The following PRKDC variants were observed in gnomAD, a reference collection of about 807,000 sequenced individuals.
PRKDC encodes the protein DNA-dependent protein kinase catalytic subunit.
A neutral mutation model predicts 486.9 loss-of-function variants in PRKDC; 82 were observed. The observed-to-expected ratio is 0.17, with a 90% CI of 0.14 to 0.20. The LOEUF is 0.20. Ranked by LOEUF, PRKDC falls within the 10% of genes least tolerant of loss-of-function variation. The pLI is 1.00. For synonymous variants in PRKDC, 1,895 were observed against 1,837.0 expected (o/e 1.03, Z -0.81); for missense variants, 4,504 against 5,038.2 (o/e 0.89, Z 3.21).
intron 70 of PRKDC, among the ~76,000 whole-genome samples, chr8:47,802,395 C>T (rs921790117): frequency 5.3e-5 from 8 of 151,848 alleles, no homozygotes; most frequent in South Asian, 4.1e-4. Context: ...GGCAACAGAG[C>T]GGGGGACCAA....
rs2090670188 is a variant in PRKDC at position 47,954,348 on chromosome 8, T to C, written c.498A>G (p.Ile166Met). ...FYGELALKKK[I>M]PDTVLEKVYE... ...GTAAATGCATCTCACCTGTATCTGG[T>C]ATTTTTTTTTTCAATGCAAGTTCTC... The change falls in exon 5 of 86, where the codon ATA becomes ATG. Residue 166 changes from isoleucine (I) to methionine (M), a missense_variant. Transcript: ENST00000314191. 9.5e-6 allele frequency: 12 copies of C among 1,259,558 alleles called. No individual in the cohort carries two copies. The highest frequency in any genetic ancestry group is 1.5e-5 in the African/African-American group (1 of 65,678). The allele number at this position is 1,259,558 out of a possible 1,614,324, so 78.0% of individuals were successfully genotyped here. A position where few individuals can be genotyped will look rare whatever the true frequency, so the allele number is the denominator to read the frequency against.
chr8:47,828,707 A>G (rs534388667), intron 61 of PRKDC, among the ~76,000 whole-genome samples: 1 of 152,314 alleles, frequency 6.6e-6, no homozygotes, highest in East Asian at 1.9e-4. Context: ...TAGCCCAGAT[A>G]AAGTGCAGCC....
chr8:47,898,331 A>T (rs1377046811), intron 29 of PRKDC, 139 bp downstream of exon 29: 1 of 637,314 alleles, frequency 1.6e-6, no homozygotes, highest in East Asian at 2.9e-5. Context: ...TGGAAAACGA[A>T]CTCTTCAGAC....
At chr8:47,807,759 A>C (rs2087247054) in intron 68 of PRKDC, among the ~76,000 whole-genome samples, 1 of 151,800 alleles carries the variant, frequency 6.6e-6, no homozygotes, top group Admixed American at 6.6e-5. Flanking sequence ...TCTGTCGCCC[A>C]GGATGGAGTG....
intron 7 of PRKDC, among the ~76,000 whole-genome samples, chr8:47,947,954 C>T (rs1017991427): frequency 9.2e-5 from 14 of 151,644 alleles, no homozygotes; most frequent in South Asian, 8.4e-4. Flanking sequence ...GTGGCATGCA[C>T]CTATAGTCCC....
chr8:47,930,056 T>A, intron 17 of PRKDC, 44 bp from the exon 18 acceptor site: 1 of 1,533,324 alleles, frequency 6.5e-7, no homozygotes, highest in Non-Finnish European at 8.9e-7. Context: ...TTTGTATCAT[T>A]CTGATCTTAA....
intron 68 of PRKDC, among the ~76,000 whole-genome samples, chr8:47,816,704 A>G (rs2087455153): frequency 6.6e-6 from 1 of 152,218 alleles, no homozygotes; most frequent in Non-Finnish European, 1.5e-5. Context: ...AAATACTAAC[A>G]TGGAAAAATG....
chr8:47,854,732 A>G (rs942092966), intron 50 of PRKDC, among the ~76,000 whole-genome samples: 14 of 152,126 alleles, frequency 9.2e-5, no homozygotes, highest in African/African-American at 3.4e-4. Flanking sequence ...CTTTACAGAA[A>G]TGCTTTCTTT....
At position 47,782,726 on chromosome 8, in the gene PRKDC, C is replaced by T. The variant is rs992276733; in HGVS notation, c.11176-128G>A. ...CTGAAGACAGTGCCAAAGAGCAGAG[C>T]GCCCAGGCCAGCAACGAATTTCTGC... On this transcript the variant is annotated intron_variant, in intron 78 of 85. Transcript: ENST00000314191. The surrounding 1 kb of genome is among the most constrained non-coding windows in gnomAD (Gnocchi z 4.9). 1.4e-5 allele frequency: 14 copies of T among 1,033,938 alleles called. No homozygotes were observed. Among genetic ancestry groups the T allele is most frequent in the Middle Eastern group, 2.8e-4 (1 of 3,596 alleles). The allele number at this position is 1,033,938 out of a possible 1,614,324, so 64.0% of individuals were successfully genotyped here.
At chr8:47,777,056 T>C (rs2086621337) in intron 84 of PRKDC, 73 bp from the exon 85 acceptor site, 1 of 1,508,270 alleles carries the variant, frequency 6.6e-7, no homozygotes, top group Admixed American at 2.2e-5. Flanking sequence ...AGATTAAATC[T>C]AGTAATGATC....
At chr8:47,863,230 C>T (rs1161317357) in intron 42 of PRKDC, among the ~76,000 whole-genome samples, 169 bp downstream of exon 42, 1 of 152,112 alleles carries the variant, frequency 6.6e-6, no homozygotes, top group Non-Finnish European at 1.5e-5. Flanking sequence ...ATCCAATACA[C>T]CCTAAATTAA....
At chr8:47,890,129 T>TATAATAATA (rs36103307) in intron 32 of PRKDC, 128 bp downstream of exon 32, 28 of 361,804 alleles carry the variant, frequency 7.7e-5, no homozygotes, top group African/African-American at 3.6e-4. Context: ...GAGGATGAAA[T>TATAATAATA]ATAATAATAA....
In PRKDC at chr8:47,821,760, C is replaced by A. The variant is rs1205390475; in HGVS notation, c.8955G>T (p.Glu2985Asp). ...AAAAATCCTTCTCGGCTTCTGTGGG[C>A]TCACCATCTACCCAGTCTTGTTTAT... ...ALNKQDWVDG[E>D]PTEAEKDFWE... Residue 2985 changes from glutamate to aspartate, a missense_variant, in exon 65 of 86, where the codon GAG becomes GAT. Glu to Asp is a conservative substitution (Grantham distance 45). This residue lies in a region of PRKDC where 1,592 missense variants were observed against 1,724.6 expected (regional missense o/e 0.92). Transcript: ENST00000314191. 1.9e-6 allele frequency: 3 copies of A among 1,590,246 alleles called. No individual in the cohort carries two copies. Among genetic ancestry groups the A allele is most frequent in the Non-Finnish European group, 1.7e-6 (2 of 1,170,150 alleles).
chr8:47,830,814 C>T (rs527668512), intron 60 of PRKDC, 78 bp from the exon 61 acceptor site: 5 of 1,575,674 alleles, frequency 3.2e-6, no homozygotes, highest in Non-Finnish European at 4.4e-6. Context: ...ATGAGGCTGC[C>T]AGGATCCCCT....
At chr8:47,939,210 C>T (rs904430500) in intron 11 of PRKDC, among the ~76,000 whole-genome samples, 1 of 152,176 alleles carries the variant, frequency 6.6e-6, no homozygotes, top group Non-Finnish European at 1.5e-5. Context: ...ATAAACAATA[C>T]TAATACAGTG....
chr8:47,803,559 C>G (rs1403663184), intron 69 of PRKDC, 79 bp from the exon 70 acceptor site: 4 of 1,332,238 alleles, frequency 3.0e-6, no homozygotes, highest in African/African-American at 1.4e-5. Flanking sequence ...CCTGCTTCCC[C>G]CTTTGCACGA....
chr8:47,800,338 C>G (rs1462695630), intron 71 of PRKDC, among the ~76,000 whole-genome samples: 1 of 152,014 alleles, frequency 6.6e-6, no homozygotes, highest in Non-Finnish European at 1.5e-5. Context: ...AATCATCATT[C>G]TCAGTAAACT....
intron 52 of PRKDC, among the ~76,000 whole-genome samples, chr8:47,851,936 CGAAACCTTGTTTCT>C (rs528336861): frequency 1.3e-3 from 204 of 152,092 alleles, no homozygotes; most frequent in African/African-American, 4.7e-3. Context: ...GGCAACATGG[CGAAACCTTGTTTCT>C]ACAAAAAATA....
chr8:47,870,374 G>A (rs938416738), intron 40 of PRKDC, among the ~76,000 whole-genome samples: 8 of 152,316 alleles, frequency 5.3e-5, no homozygotes, highest in African/African-American at 1.9e-4. Flanking sequence ...AGAAAAGTAA[G>A]TAAAGGAAAC....
Sources: gnomAD v4.1 joint callset for allele counts (sites outside exome capture counted in the v4.1 genomes callset) on GRCh38, gnomAD v4.1.1 for gene constraint, gnomAD v4.1.1 regional missense constraint, Gnocchi (gnomAD v3.1) non-coding constraint, MANE v1.5 for transcripts, NCBI Gene and HGNC (gene_info 2026-07-23, HGNC 2026-07-21) for gene names.